MSRA: variants seen among roughly 807,000 people sequenced by gnomAD.
The protein encoded by MSRA is mitochondrial peptide methionine sulfoxide reductase.
MSRA carries 54 observed loss-of-function variants against 31.3 expected under a neutral mutation model. The ratio of observed to expected loss-of-function variants is 1.73; its 90% confidence interval spans 1.39 to 2.17. The LOEUF (loss-of-function observed/expected upper bound fraction) is 2.17. Ranked by LOEUF, MSRA falls within the 30% of genes most tolerant of loss-of-function variation. MSRA has a pLI of 0.00. For synonymous variants in MSRA, 169 were observed against 116.5 expected (o/e 1.45, Z -2.90); for missense variants, 507 against 300.9 (o/e 1.69, Z -5.07).
intron 1 of MSRA, among the ~76,000 whole-genome samples, chr8:10,059,959 C>T (rs893647122): frequency 6.6e-6 from 1 of 152,152 alleles, no homozygotes; most frequent in Non-Finnish European, 1.5e-5. Flanking sequence ...TTTGACGATA[C>T]ACTGTGTTGG....
chr8:10,195,169 G>C (rs1177852111), intron 1 of MSRA, among the ~76,000 whole-genome samples: 1 of 152,188 alleles, frequency 6.6e-6, no homozygotes, highest in Non-Finnish European at 1.5e-5. Context: ...GACTGTCTTT[G>C]TCCGTGAGCA....
intron 5 of MSRA, among the ~76,000 whole-genome samples, chr8:10,360,926 G>A (rs1052098632): frequency 6.6e-6 from 1 of 152,190 alleles, no homozygotes; most frequent in African/African-American, 2.4e-5. Context: ...GCAAGCCTGT[G>A]ACTCCCAGTA....
At chr8:10,412,857 T>C (rs2129189746) in intron 5 of MSRA, among the ~76,000 whole-genome samples, 1 of 152,332 alleles carries the variant, frequency 6.6e-6, no homozygotes, top group East Asian at 1.9e-4. Context: ...GGAACTCTCA[T>C]GCATTGCAGG....
At position 10,428,343 on chromosome 8, in the gene MSRA, C is replaced by G. The variant is rs756479638; in HGVS notation, c.*31C>G. The G allele has an allele frequency of 6.2e-7, 1 of 1,606,394 alleles. No individual in the cohort carries two copies. The highest frequency in any genetic ancestry group is 1.3e-5 in the African/African-American group (1 of 74,636). ...CCCCACATGGTGGGCCTTTGAGGTT[C>G]CAGTAAAAATGCTTTCAACAAATTG... On this transcript the variant is annotated 3_prime_UTR_variant, in exon 6 of 6. Coordinates refer to ENST00000317173, the MANE Select transcript of MSRA (RefSeq NM_012331.5).
intron 1 of MSRA, among the ~76,000 whole-genome samples, chr8:10,172,100 G>A (rs965168259): frequency 2.0e-5 from 3 of 152,296 alleles, no homozygotes; most frequent in Middle Eastern, 3.4e-3. Flanking sequence ...CATTGTAGCC[G>A]GGGTCAGGAA....
intron 2 of MSRA, among the ~76,000 whole-genome samples, chr8:10,213,281 A>T (rs9329217): frequency 6.6e-6 from 1 of 152,020 alleles, no homozygotes; most frequent in African/African-American, 2.4e-5. Flanking sequence ...CCCACAAATA[A>T]GTGAGAACAT....
At chr8:10,393,828 C>T (rs1806918698) in intron 5 of MSRA, among the ~76,000 whole-genome samples, 1 of 152,204 alleles carries the variant, frequency 6.6e-6, no homozygotes, top group African/African-American at 2.4e-5. Context: ...CCCCTGTGCA[C>T]CACGTGTGCA....
chr8:10,142,949 A>G (rs532390919), intron 1 of MSRA, among the ~76,000 whole-genome samples: 4 of 152,292 alleles, frequency 2.6e-5, no homozygotes, highest in African/African-American at 7.2e-5. Context: ...CAAAGAAAGC[A>G]CCTTCCTTTT....
At position 10,230,717 on chromosome 8, in the gene MSRA, A is replaced by C. The variant is rs185838046; in HGVS notation, c.212-14387A>C. 1.7e-3 allele frequency among the ~76,000 whole-genome samples: 266 copies of C among 152,342 alleles called. 8 individuals carry two copies. The highest frequency in any genetic ancestry group is 3.8e-4 in the Non-Finnish European group (26 of 68,030). ...AAAGAAGAACATAAAAATCACCTGT[A>C]ATCTTAGTCAGTAAGATTCTTAAGA... On this transcript the variant is annotated intron_variant, in intron 2 of 5. Coordinates refer to ENST00000317173, the MANE Select transcript of MSRA (RefSeq NM_012331.5).
At chr8:10,223,429 T>C (rs1224929282) in intron 2 of MSRA, among the ~76,000 whole-genome samples, 2 of 152,210 alleles carry the variant, frequency 1.3e-5, no homozygotes, top group African/African-American at 4.8e-5. Context: ...TACATCAGCA[T>C]TTGCGTCTAT....
intron 5 of MSRA, among the ~76,000 whole-genome samples, chr8:10,418,815 T>TAAA (rs71203323): frequency 0.42 from 27,656 of 66,082 alleles, 6,795 homozygotes; most frequent in Non-Finnish European, 0.48. Context: ...TTACTACGAC[T>TAAA]AAAAAAAAAA....
intron 5 of MSRA, among the ~76,000 whole-genome samples, chr8:10,420,282 G>A (rs756357530): frequency 6.6e-6 from 1 of 151,998 alleles, no homozygotes; most frequent in Non-Finnish European, 1.5e-5. Flanking sequence ...TGGGGAGTAG[G>A]GGAACAGGGA....
chr8:10,340,293 G>C (rs1257938736), intron 5 of MSRA, among the ~76,000 whole-genome samples: 1 of 151,992 alleles, frequency 6.6e-6, no homozygotes, highest in African/African-American at 2.4e-5. Context: ...TATTGAACTA[G>C]ATTTTGACAA....
intron 5 of MSRA, among the ~76,000 whole-genome samples, chr8:10,327,486 A>C (rs1802426870): frequency 6.6e-6 from 1 of 152,202 alleles, no homozygotes; most frequent in Non-Finnish European, 1.5e-5. Flanking sequence ...ATAAAGGTTC[A>C]GTTTTGATTA....
chr8:10,200,928 CTCAG>C (rs1478022821), intron 1 of MSRA, among the ~76,000 whole-genome samples: 3 of 152,124 alleles, frequency 2.0e-5, no homozygotes, highest in Admixed American at 6.5e-5. Flanking sequence ...GCCCAGAACG[CTCAG>C]TCAGTGTCCT....
At chr8:10,288,074 C>G (rs1479339283) in intron 3 of MSRA, among the ~76,000 whole-genome samples, 1 of 152,140 alleles carries the variant, frequency 6.6e-6, no homozygotes, top group Non-Finnish European at 1.5e-5. Flanking sequence ...TGTTGGATTA[C>G]GAGCCCCATA....
At chr8:10,064,633 T>C (rs1232171398) in intron 1 of MSRA, among the ~76,000 whole-genome samples, 1 of 152,218 alleles carries the variant, frequency 6.6e-6, no homozygotes, top group Non-Finnish European at 1.5e-5. Flanking sequence ...TAAAATGAAT[T>C]CTTTCAAAGA....
At chr8:10,084,506 C>T (rs752955029) in intron 1 of MSRA, among the ~76,000 whole-genome samples, 17 of 152,166 alleles carry the variant, frequency 1.1e-4, no homozygotes, top group Non-Finnish European at 2.1e-4. Context: ...TCAATTTTAG[C>T]GGGTGGGTAT....
intron 1 of MSRA, among the ~76,000 whole-genome samples, chr8:10,142,047 C>G (rs1802760362): frequency 6.6e-6 from 1 of 152,192 alleles, no homozygotes; most frequent in African/African-American, 2.4e-5. Context: ...CAACCTCTGC[C>G]TCCTGGGTTC....
Sources: gnomAD v4.1 joint callset for allele counts (sites outside exome capture counted in the v4.1 genomes callset) on GRCh38, gnomAD v4.1.1 for gene constraint, MANE v1.5 for transcripts, NCBI Gene and HGNC (gene_info 2026-07-23, HGNC 2026-07-21) for gene names.